The following CDH13 variants were observed in gnomAD, a reference collection of about 807,000 sequenced individuals.
CDH13 encodes cadherin 13.
In CDH13, 24 loss-of-function variants were observed where a neutral mutation model predicts 63.8. The observed-to-expected ratio is 0.38, with a 90% confidence interval of 0.27 to 0.53. CDH13 has a LOEUF of 0.53. CDH13 is among the 20% of genes least tolerant of loss of function. CDH13 has a pLI of 0.85. For missense variants in CDH13, 1,049 were observed against 903.1 expected, an observed-to-expected ratio of 1.16 and a Z score of -2.07; for synonymous variants, 503 against 355.3, an observed-to-expected ratio of 1.42 and a Z score of -4.67.
At chr16:83,722,773 G>T (rs1036345532) in intron 10 of CDH13, among the ~76,000 whole-genome samples, 2 of 152,188 alleles carry the variant, frequency 1.3e-5, no homozygotes, top group African/African-American at 4.8e-5. Flanking sequence ...ACCAGGCTGG[G>T]GGGGTGGATT....
intron 6 of CDH13, among the ~76,000 whole-genome samples, chr16:83,387,065 G>T (rs150093856): frequency 1.3e-5 from 2 of 152,228 alleles, no homozygotes; most frequent in African/African-American, 4.8e-5. Flanking sequence ...AAATACTTGT[G>T]TTCATAGACT....
intron 4 of CDH13, among the ~76,000 whole-genome samples, chr16:83,207,585 A>G (rs1461445934): frequency 1.3e-5 from 2 of 152,198 alleles, no homozygotes; most frequent in Admixed American, 1.3e-4. Flanking sequence ...ATCCTACAGA[A>G]TGCTTATTCT....
At chr16:82,760,235 G>T (rs543534823) in intron 1 of CDH13, among the ~76,000 whole-genome samples, 1 of 152,250 alleles carries the variant, frequency 6.6e-6, no homozygotes, top group African/African-American at 2.4e-5. Context: ...ACTTACTGAG[G>T]GGGTAGAAGG....
intron 7 of CDH13, among the ~76,000 whole-genome samples, chr16:83,496,266 A>C (rs1288136925): frequency 6.7e-6 from 1 of 148,370 alleles, no homozygotes; most frequent in Non-Finnish European, 1.5e-5. Flanking sequence ...ACTATACTAC[A>C]AGGCTACAGT....
At chr16:83,316,930 C>A (rs1038250744) in intron 5 of CDH13, among the ~76,000 whole-genome samples, 1 of 152,232 alleles carries the variant, frequency 6.6e-6, no homozygotes, top group Admixed American at 6.5e-5. Flanking sequence ...GTGGATTCCA[C>A]GGCTTCGCCT....
rs142641644 is a variant in CDH13, at chr16:82,866,761, C to T, written c.157+8288C>T. ...GGAAGGCAGAGAGAAAGCAAGGCACCTTCTTCACAAGGAGGCAGGAAGGAG... is the reference window on the plus strand; with the variant it reads ...GGAAGGCAGAGAGAAAGCAAGGCACTTTCTTCACAAGGAGGCAGGAAGGAG... On this transcript the variant is annotated intron_variant, in intron 2 of 13. Coordinates refer to ENST00000567109, the MANE Select transcript of CDH13 (RefSeq NM_001257.5). Among the ~76,000 whole-genome samples, 8 of 152,136 alleles carry T rather than the reference C, an allele frequency of 5.3e-5. No individual in the cohort carries two copies. The East Asian group carries it at 1.2e-3, about 22-fold the overall frequency.
At chr16:82,707,067 CCT>C (rs113342857) in intron 1 of CDH13, among the ~76,000 whole-genome samples, 25 of 152,308 alleles carry the variant, frequency 1.6e-4, no homozygotes, top group African/African-American at 3.4e-4. Context: ...TGGACCATCC[CCT>C]GTTTGGCGGG....
intron 6 of CDH13, among the ~76,000 whole-genome samples, chr16:83,433,341 T>A (rs1285817121): frequency 6.6e-6 from 1 of 152,184 alleles, no homozygotes; most frequent in Non-Finnish European, 1.5e-5. Flanking sequence ...TTGAGGCTTG[T>A]TGAGTAGTTC....
chr16:82,880,206 G>C (rs933822609), intron 2 of CDH13, among the ~76,000 whole-genome samples: 2 of 151,886 alleles, frequency 1.3e-5, no homozygotes, highest in Non-Finnish European at 2.9e-5. Context: ...TGCAATGAGA[G>C]GCCTTTGCTT....
chr16:83,706,295 G>C (rs768785367), intron 10 of CDH13, among the ~76,000 whole-genome samples: 41 of 152,308 alleles, frequency 2.7e-4, no homozygotes, highest in Non-Finnish European at 5.1e-4. Context: ...CGCCTTTTAT[G>C]ATCCAGCCTC....
intron 6 of CDH13, among the ~76,000 whole-genome samples, chr16:83,448,789 G>A (rs185467774): frequency 6.6e-6 from 1 of 152,278 alleles, no homozygotes; most frequent in East Asian, 1.9e-4. Flanking sequence ...ATAGAAAATA[G>A]AGATTTGGGG....
intron 6 of CDH13, among the ~76,000 whole-genome samples, chr16:83,419,691 C>T (rs1312664719): frequency 6.6e-6 from 1 of 152,220 alleles, no homozygotes; most frequent in East Asian, 1.9e-4. Context: ...TATAAAGTGA[C>T]TTCCCTGACA....
chr16:82,689,579 T>C (rs894879183), intron 1 of CDH13, among the ~76,000 whole-genome samples: 2 of 152,210 alleles, frequency 1.3e-5, no homozygotes, highest in African/African-American at 4.8e-5. Flanking sequence ...TCTTCTACAC[T>C]TGAAGATTGT....
intron 2 of CDH13, among the ~76,000 whole-genome samples, chr16:82,877,355 A>G (rs1448953365): frequency 6.6e-6 from 1 of 152,222 alleles, no homozygotes; most frequent in Non-Finnish European, 1.5e-5. Flanking sequence ...AAGCAGTGAA[A>G]TTGTTCCTGG....
intron 5 of CDH13, among the ~76,000 whole-genome samples, chr16:83,226,517 G>A (rs556679210): frequency 4.6e-5 from 7 of 152,170 alleles, no homozygotes; most frequent in Non-Finnish European, 1.0e-4. Context: ...GCCCACACTC[G>A]GTACTTAGCA....
chr16:83,075,801 T>C (rs2032794834), intron 3 of CDH13, among the ~76,000 whole-genome samples: 1 of 152,196 alleles, frequency 6.6e-6, no homozygotes, highest in South Asian at 2.1e-4. Context: ...AGCTTATGGA[T>C]TCATGAGTTA....
At chr16:83,730,094 CT>C (rs1307377378) in intron 10 of CDH13, among the ~76,000 whole-genome samples, 1 of 152,206 alleles carries the variant, frequency 6.6e-6, no homozygotes, top group African/African-American at 2.4e-5. Flanking sequence ...TTCATCATGG[CT>C]TTTAATGTCT....
intron 11 of CDH13, among the ~76,000 whole-genome samples, chr16:83,758,279 T>G (rs886956068): frequency 6.6e-6 from 1 of 152,118 alleles, no homozygotes; most frequent in African/African-American, 2.4e-5. Flanking sequence ...TACAAGAAAT[T>G]AAAATTGCAG....
At chr16:83,309,479 C>T (rs1054654015) in intron 5 of CDH13, among the ~76,000 whole-genome samples, 1 of 152,150 alleles carries the variant, frequency 6.6e-6, no homozygotes, top group African/African-American at 2.4e-5. Flanking sequence ...CAGCTTCCAG[C>T]AATTCTCCTG....
Sources: gnomAD v4.1 joint callset for allele counts (sites outside exome capture counted in the v4.1 genomes callset) on GRCh38, gnomAD v4.1.1 for gene constraint, MANE v1.5 for transcripts, NCBI Gene and HGNC (gene_info 2026-07-23, HGNC 2026-07-21) for gene names.